The following LSAMP variants were observed in gnomAD, a reference collection of about 807,000 sequenced individuals.
LSAMP encodes the protein limbic system associated membrane protein, also known as limbic system-associated membrane protein.
A neutral mutation model predicts 38.6 loss-of-function variants in LSAMP; 7 were observed. The observed-to-expected ratio is 0.18, with a 90% CI of 0.10 to 0.34. The LOEUF (loss-of-function observed/expected upper bound fraction) is 0.34, where lower values mean the gene tolerates loss of function less well. Ranked by LOEUF, LSAMP falls within the 10% of genes least tolerant of loss-of-function variation. LSAMP has a pLI of 1.00. For synonymous variants in LSAMP, 154 were observed against 166.8 expected, an observed-to-expected ratio of 0.92 and a Z score of 0.59; for missense variants, 313 against 420.0, an observed-to-expected ratio of 0.75 and a Z score of 2.23.
At position 116,185,030 on chromosome 3, in the gene LSAMP, CTT is replaced by C. The variant is rs368314567; in HGVS notation, c.156-98476_156-98475del. On this transcript the variant is annotated intron_variant, in intron 1 of 6. Transcript: ENST00000490035. ...AGATTTTTTCTTTCTTTCTTTCTTT[CTT>C]TTTTTTTTTTTTTCAGTTCTCACAT... Among the ~76,000 whole-genome samples, 239 of 117,736 alleles carry C rather than the reference CTT, an allele frequency of 2.0e-3. 1 individual carries two copies. The highest frequency in any genetic ancestry group is 0.014 in the Middle Eastern group (3 of 218). 77.2% of individuals were successfully genotyped at this position (117,736 alleles called of 152,430 possible).
chr3:116,327,980 T>C (rs943549322), intron 1 of LSAMP, among the ~76,000 whole-genome samples: 1 of 152,120 alleles, frequency 6.6e-6, no homozygotes, highest in African/African-American at 2.4e-5. Flanking sequence ...TTCTGTTCCT[T>C]ATTTCTGAGG....
intron 1 of LSAMP, among the ~76,000 whole-genome samples, chr3:116,358,827 A>G (rs1400390329): frequency 1.3e-5 from 2 of 152,116 alleles, no homozygotes; most frequent in African/African-American, 2.4e-5. Flanking sequence ...ATGTACAAAT[A>G]GAAAGCTAAA....
chr3:116,204,014 C>G (rs1180011148), intron 1 of LSAMP, among the ~76,000 whole-genome samples: 3 of 151,774 alleles, frequency 2.0e-5, no homozygotes, highest in African/African-American at 7.3e-5. Flanking sequence ...TACAGTCCCA[C>G]CAACAGTGTA....
At chr3:116,051,945 C>G (rs1174386648) in intron 2 of LSAMP, among the ~76,000 whole-genome samples, 2 of 152,072 alleles carry the variant, frequency 1.3e-5, no homozygotes, top group African/African-American at 4.8e-5. Flanking sequence ...TTCTTTGTAT[C>G]CTGTATTATT....
chr3:116,074,019 G>T (rs894875156), intron 2 of LSAMP, among the ~76,000 whole-genome samples: 7 of 152,162 alleles, frequency 4.6e-5, no homozygotes, highest in Non-Finnish European at 8.8e-5. Context: ...ACGTGGCCCT[G>T]GATCCAGGCC....
intron 2 of LSAMP, among the ~76,000 whole-genome samples, chr3:116,075,322 G>C (rs893255412): frequency 1.3e-5 from 2 of 151,284 alleles, no homozygotes; most frequent in East Asian, 3.9e-4. Flanking sequence ...ATTTTTAGTA[G>C]AGACAGGGTT....
In LSAMP at chr3:115,852,469, C is replaced by T. The variant is rs1490539072; in HGVS notation, c.649+14G>A. 1.9e-6 allele frequency: 3 copies of T among 1,601,308 alleles called. No homozygotes were observed. Among genetic ancestry groups the T allele is most frequent in the Non-Finnish European group, 2.6e-6 (3 of 1,174,586 alleles). The stretch of plus-strand genomic sequence containing the variant: ...CCTGGGCACCTAGCACCTGCTGGCT[C>T]CTGCCGTACTCACAGTTCACAGTGA... On this transcript the variant is annotated intron_variant, in intron 4 of 6. Coordinates refer to ENST00000490035, the MANE Select transcript of LSAMP (RefSeq NM_002338.5).
chr3:116,293,463 T>C (rs2047293736), intron 1 of LSAMP, among the ~76,000 whole-genome samples: 1 of 152,188 alleles, frequency 6.6e-6, no homozygotes, highest in African/African-American at 2.4e-5. Flanking sequence ...CAACTGTTCT[T>C]AACTTACAAG....
intron 1 of LSAMP, among the ~76,000 whole-genome samples, chr3:116,337,544 A>C (rs548749019): frequency 4.0e-5 from 6 of 151,896 alleles, no homozygotes; most frequent in African/African-American, 1.2e-4. Context: ...TGTATGTTGC[A>C]CTCTAGCTAG....
chr3:116,021,815 G>T (rs529023406), intron 2 of LSAMP, among the ~76,000 whole-genome samples: 1 of 148,332 alleles, frequency 6.7e-6, no homozygotes, highest in Non-Finnish European at 1.5e-5. Context: ...CTCTCTCGGT[G>T]TTTTTTTTTT....
At chr3:116,255,628 C>T (rs1008185526) in intron 1 of LSAMP, among the ~76,000 whole-genome samples, 1 of 152,152 alleles carries the variant, frequency 6.6e-6, no homozygotes, top group African/African-American at 2.4e-5. Context: ...TTTGGTAGCA[C>T]ATTATCACAC....
intron 3 of LSAMP, among the ~76,000 whole-genome samples, chr3:115,871,925 T>C (rs1277534998): frequency 6.6e-6 from 1 of 152,122 alleles, no homozygotes; most frequent in East Asian, 1.9e-4. Context: ...GAGGGCCTTG[T>C]GGGAAAGAAG....
intron 1 of LSAMP, among the ~76,000 whole-genome samples, chr3:116,267,572 C>CCTAT (rs1416868933): frequency 6.7e-6 from 1 of 149,096 alleles, no homozygotes; most frequent in African/African-American, 2.5e-5. Flanking sequence ...GTATGCAGGC[C>CCTAT]CTATCTCTGT....
intron 2 of LSAMP, among the ~76,000 whole-genome samples, chr3:116,061,622 C>T (rs1941596327): frequency 6.6e-6 from 1 of 152,224 alleles, no homozygotes; most frequent in Non-Finnish European, 1.5e-5. Flanking sequence ...CCAGTATTCT[C>T]CTTCCTTCCT....
chr3:116,193,265 G>A (rs1319256324), intron 1 of LSAMP, among the ~76,000 whole-genome samples: 1 of 152,138 alleles, frequency 6.6e-6, no homozygotes, highest in Non-Finnish European at 1.5e-5. Flanking sequence ...GTAAATCAAT[G>A]CCTGATTGTC....
rs2049216434 is a variant in LSAMP at position 116,427,411 on chromosome 3, C to T, written c.155+17466G>A. 2.6e-5 allele frequency among the ~76,000 whole-genome samples: 4 copies of T among 152,048 alleles called. No homozygotes were observed. In the South Asian group the frequency reaches 8.3e-4, roughly 32 times the overall value. Reference sequence around the variant, plus strand: ...CTGGGATTACAGGCGTGAGCCACCGCGCCCGGCCCAAGACTCAGCTCTTTC... The same window carrying T: ...CTGGGATTACAGGCGTGAGCCACCGTGCCCGGCCCAAGACTCAGCTCTTTC... On this transcript the variant is annotated intron_variant, in intron 1 of 6. Transcript: ENST00000490035.
intron 2 of LSAMP, among the ~76,000 whole-genome samples, chr3:116,082,476 A>T (rs1201713342): frequency 6.6e-6 from 1 of 152,108 alleles, no homozygotes; most frequent in Non-Finnish European, 1.5e-5. Context: ...GGTTCTCTGG[A>T]ATCTGCATTT....
intron 2 of LSAMP, among the ~76,000 whole-genome samples, chr3:116,048,303 A>G (rs951866841): frequency 2.0e-5 from 3 of 152,234 alleles, no homozygotes; most frequent in African/African-American, 7.2e-5. Context: ...ATAAGTTGTC[A>G]AAGAATCACC....
At chr3:116,140,932 T>C (rs1709355249) in intron 1 of LSAMP, among the ~76,000 whole-genome samples, 1 of 151,950 alleles carries the variant, frequency 6.6e-6, no homozygotes, top group Admixed American at 6.6e-5. Flanking sequence ...GATCAGTGGT[T>C]TTCTCTGTAG....
Sources: gnomAD v4.1 joint callset for allele counts (sites outside exome capture counted in the v4.1 genomes callset) on GRCh38, gnomAD v4.1.1 for gene constraint, MANE v1.5 for transcripts, NCBI Gene and HGNC (gene_info 2026-07-23, HGNC 2026-07-21) for gene names.